The following PFDN1 variants were observed in gnomAD, a reference collection of about 807,000 sequenced individuals.
PFDN1 encodes the protein prefoldin subunit 1.
PFDN1 carries 6 observed loss-of-function variants against 17.3 expected under a neutral mutation model. The observed-to-expected ratio is 0.35, with a 90% CI of 0.19 to 0.69. PFDN1 has a LOEUF of 0.69. Among genes scored for constraint, PFDN1 ranks in the 30% least tolerant of loss-of-function variants. The pLI, the probability that PFDN1 is intolerant of heterozygous loss-of-function variation, is 0.65. For synonymous variants in PFDN1, 58 were observed against 50.1 expected, an observed-to-expected ratio of 1.16 and a Z score of -0.67; for missense variants, 113 against 146.2, an observed-to-expected ratio of 0.77 and a Z score of 1.17.
chr5:140,271,403 A>G (rs1402439651), intron 3 of PFDN1, among the ~76,000 whole-genome samples: 1 of 152,236 alleles, frequency 6.6e-6, no homozygotes, highest in Non-Finnish European at 1.5e-5. Context: ...GCACAATAAG[A>G]GAAATCACTT....
At chr5:140,290,898 G>T (rs2126698747) in intron 2 of PFDN1, among the ~76,000 whole-genome samples, 1 of 152,298 alleles carries the variant, frequency 6.6e-6, no homozygotes, top group Non-Finnish European at 1.5e-5. Context: ...TAGTATCATT[G>T]TCCCCAGATG....
At chr5:140,299,158 G>A (rs1439284536) in intron 2 of PFDN1, among the ~76,000 whole-genome samples, 1 of 152,198 alleles carries the variant, frequency 6.6e-6, no homozygotes, top group Non-Finnish European at 1.5e-5. Flanking sequence ...ATTAAGCAGG[G>A]AAGAGGAGGT....
chr5:140,262,016 T>G (rs1209635828), intron 3 of PFDN1, among the ~76,000 whole-genome samples: 1 of 151,958 alleles, frequency 6.6e-6, no homozygotes, highest in African/African-American at 2.4e-5. Flanking sequence ...CAGAGAGAAT[T>G]TAATATGCTA....
At chr5:140,264,525 T>C (rs960444320) in intron 3 of PFDN1, among the ~76,000 whole-genome samples, 1 of 152,144 alleles carries the variant, frequency 6.6e-6, no homozygotes, top group Non-Finnish European at 1.5e-5. Flanking sequence ...GGTTGAAGCT[T>C]TTCTTAGTAT....
rs1162322627 is a variant in PFDN1 at position 140,281,367 on chromosome 5, G to A, written c.285+82C>T. On this transcript the variant is annotated intron_variant, in intron 3 of 3. Coordinates refer to ENST00000261813, the MANE Select transcript of PFDN1 (RefSeq NM_002622.5). ...TAATATGACATTACTTTGGCAGGCA[G>A]GCATACATTTTCATTTAATATGACA... 62 of 677,016 alleles carry A rather than the reference G, an allele frequency of 9.2e-5. 1 individual carries two copies. In the Admixed American group the frequency reaches 1.6e-3, roughly 17 times the overall value. 41.9% of individuals were successfully genotyped at this position (677,016 alleles called of 1,614,324 possible).
chr5:140,270,025 T>A (rs531383454), intron 3 of PFDN1, among the ~76,000 whole-genome samples: 8 of 152,216 alleles, frequency 5.3e-5, no homozygotes, highest in Non-Finnish European at 1.2e-4. Flanking sequence ...TTAATAAAGG[T>A]GTGGCCTTCC....
At chr5:140,274,562 C>T (rs1310239536) in intron 3 of PFDN1, among the ~76,000 whole-genome samples, 2 of 152,198 alleles carry the variant, frequency 1.3e-5, no homozygotes, top group Non-Finnish European at 2.9e-5. Flanking sequence ...CTACTAATCA[C>T]AGTTAGGATG....
intron 3 of PFDN1, among the ~76,000 whole-genome samples, chr5:140,261,178 A>G (rs1375272853): frequency 1.3e-5 from 2 of 151,728 alleles, no homozygotes; most frequent in South Asian, 2.1e-4. Flanking sequence ...AAAAAAAAAA[A>G]AAAGAAAGGA....
intron 2 of PFDN1, among the ~76,000 whole-genome samples, chr5:140,295,323 G>A (rs1342279734): frequency 1.3e-5 from 2 of 151,848 alleles, no homozygotes; most frequent in East Asian, 1.9e-4. Flanking sequence ...AGTAGAAAAG[G>A]AAGAAAACCC....
intron 2 of PFDN1, among the ~76,000 whole-genome samples, chr5:140,282,454 C>T (rs1581094005): frequency 6.7e-6 from 1 of 148,536 alleles, no homozygotes; most frequent in Non-Finnish European, 1.5e-5. Context: ...TTTAAAGTCA[C>T]AATCAAGCAC....
Position 140,277,588 on chromosome 5 carries a change from C to T in PFDN1, c.285+3861G>A, listed in dbSNP as rs185804261. 2.0e-3 allele frequency among the ~76,000 whole-genome samples: 307 copies of T among 151,896 alleles called. 2 individuals carry two copies. The highest frequency in any genetic ancestry group is 6.6e-3 in the African/African-American group (272 of 41,450). Reference sequence around the variant, plus strand: ...AAGATAAAGAAAAAAATATTAGCCACGCGTGGTAGCATGCCTGTGGTCTCA... The same window carrying T: ...AAGATAAAGAAAAAAATATTAGCCATGCGTGGTAGCATGCCTGTGGTCTCA... On this transcript the variant is annotated intron_variant, in intron 3 of 3. Transcript: ENST00000261813.
intron 3 of PFDN1, among the ~76,000 whole-genome samples, chr5:140,249,334 C>G (rs983780649): frequency 1.3e-5 from 2 of 151,856 alleles, no homozygotes; most frequent in African/African-American, 4.8e-5. Flanking sequence ...GCTTCAAATA[C>G]AAGTAGAAAA....
At chr5:140,247,810 A>T in intron 3 of PFDN1, among the ~76,000 whole-genome samples, 1 of 152,078 alleles carries the variant, frequency 6.6e-6, no homozygotes, top group East Asian at 2.0e-4. Flanking sequence ...GGGCACCTGT[A>T]ATCCCAGCTA....
At position 140,275,079 on chromosome 5, in the gene PFDN1, GAAAAAAAAGACAGT is replaced by G. The variant is rs565119318; in HGVS notation, c.285+6356_285+6369del. 1.9e-3 allele frequency among the ~76,000 whole-genome samples: 288 copies of G among 151,176 alleles called. 2 individuals carry two copies. Among genetic ancestry groups the G allele is most frequent in the Middle Eastern group, 0.014 (4 of 294 alleles). On this transcript the variant is annotated intron_variant, in intron 3 of 3. Coordinates refer to ENST00000261813, the MANE Select transcript of PFDN1 (RefSeq NM_002622.5). The stretch of plus-strand genomic sequence containing the variant: ...ATAGGTTCAACAAAGAAGTTCTAAG[GAAAAAAAAGACAGT>G]AAGACTATCTTCCCACCATTAAGAC...
intron 2 of PFDN1, chr5:140,293,043 A>C (rs1765601753): frequency 6.6e-6 from 1 of 152,062 alleles, no homozygotes; most frequent in Non-Finnish European, 1.5e-5. Flanking sequence ...TGGCAGCTAA[A>C]ATCAGAAAAT....
At chr5:140,261,488 A>C (rs1381795763) in intron 3 of PFDN1, among the ~76,000 whole-genome samples, 1 of 152,206 alleles carries the variant, frequency 6.6e-6, no homozygotes, top group Non-Finnish European at 1.5e-5. Flanking sequence ...CAACTAAAAA[A>C]ATAGAGATAC....
At chr5:140,251,938 C>CT (rs1316240479) in intron 3 of PFDN1, among the ~76,000 whole-genome samples, 3 of 152,134 alleles carry the variant, frequency 2.0e-5, no homozygotes, top group African/African-American at 7.2e-5. Flanking sequence ...TCACTACAGA[C>CT]TTTTTTCTTT....
chr5:140,278,557 CAAAAAAAAAAAA>C lies in PFDN1; in HGVS notation c.285+2880_285+2891del, dbSNP rs113129230. Among the ~76,000 whole-genome samples the C allele has an allele frequency of 2.2e-3, 173 of 79,002 alleles. 1 individual carries two copies. The highest frequency in any genetic ancestry group is 3.3e-3 in the Non-Finnish European group (145 of 43,424). The allele number at this position is 79,002 out of a possible 152,430, so 51.8% of individuals were successfully genotyped here. On this transcript the variant is annotated intron_variant, in intron 3 of 3. Transcript: ENST00000261813. ...CCTGGGACAGAATGAGACTCTGTCT[CAAAAAAAAAAAA>C]AAAAAAAAAAAAAAAAAACAAAAAA...
At chr5:140,286,498 G>C (rs1165164356) in intron 2 of PFDN1, among the ~76,000 whole-genome samples, 2 of 149,164 alleles carry the variant, frequency 1.3e-5, no homozygotes, top group Non-Finnish European at 3.0e-5. Flanking sequence ...AATAAAAAAG[G>C]ATTTACACAA....
Sources: gnomAD v4.1 joint callset for allele counts (sites outside exome capture counted in the v4.1 genomes callset) on GRCh38, gnomAD v4.1.1 for gene constraint, MANE v1.5 for transcripts, NCBI Gene and HGNC (gene_info 2026-07-23, HGNC 2026-07-21) for gene names.